Variants in SIAH3 observed in about 807,000 individuals in gnomAD.
SIAH3 encodes the protein seven in absentia homolog 3.
In SIAH3, 9 loss-of-function variants were observed where a neutral mutation model predicts 12.6. That is an observed-to-expected ratio of 0.72 (90% confidence interval 0.43 to 1.25). The LOEUF (loss-of-function observed/expected upper bound fraction) is 1.25. SIAH3 is among the 50% of genes most tolerant of loss of function. The pLI is 0.00. For synonymous variants in SIAH3, 154 were observed against 151.1 expected (o/e 1.02, Z -0.14); for missense variants, 390 against 365.4 (o/e 1.07, Z -0.55).
chr13:45,850,602 C>A lies in SIAH3; in HGVS notation c.135+893G>T, dbSNP rs1339548010. The stretch of plus-strand genomic sequence containing the variant: ...CCCAGCCCCCACCTCCCTGACTTCC[C>A]CTCCTCCCTACTACCCCTAACCAGT... On this transcript the variant is annotated intron_variant, in intron 1 of 1. Coordinates refer to ENST00000400405, the MANE Select transcript of SIAH3 (RefSeq NM_198849.3). Among the ~76,000 whole-genome samples the A allele has an allele frequency of 2.0e-5, 3 of 152,126 alleles. No homozygotes were observed. The East Asian group carries it at 5.8e-4, about 29-fold the overall frequency.
chr13:45,848,094 C>A lies in SIAH3; in HGVS notation c.135+3401G>T, dbSNP rs1007437548. ...AAAGGACAGGAGGGAGAGAGGAGTGCTGAATCAGGACCAGGAGCAGGCGCC... is the reference window on the plus strand; with the variant it reads ...AAAGGACAGGAGGGAGAGAGGAGTGATGAATCAGGACCAGGAGCAGGCGCC... On this transcript the variant is annotated intron_variant, in intron 1 of 1. Transcript: ENST00000400405. 3.5e-4 allele frequency among the ~76,000 whole-genome samples: 54 copies of A among 152,258 alleles called. 2 individuals are homozygous for A. Among genetic ancestry groups the A allele is most frequent in the Non-Finnish European group, 1.3e-4 (9 of 68,012 alleles).
rs1047929983 is a variant in SIAH3, at chr13:45,777,622, TATTTTCCAGGTG to T, written c.*5749_*5760del. 1.3e-5 allele frequency: 2 copies of T among 152,250 alleles called. No individual in the cohort carries two copies. Among genetic ancestry groups the T allele is most frequent in the Non-Finnish European group, 2.9e-5 (2 of 68,046 alleles). 9.4% of individuals were successfully genotyped at this position (152,250 alleles called of 1,614,324 possible). On this transcript the variant is annotated 3_prime_UTR_variant, in exon 2 of 2. Transcript: ENST00000400405. ...TCAGTGAAGTTTTTCTTCAGCTGGC[TATTTTCCAGGTG>T]AACACAATGGGGAACTCACCAATTC... is the stretch of plus-strand genomic sequence containing the variant.
intron 1 of SIAH3, among the ~76,000 whole-genome samples, chr13:45,787,917 C>T (rs894298801): frequency 2.6e-5 from 4 of 152,162 alleles, no homozygotes; most frequent in African/African-American, 9.7e-5. Flanking sequence ...ACCAGCAGAC[C>T]CCAGCAACGG....
intron 1 of SIAH3, among the ~76,000 whole-genome samples, chr13:45,820,071 T>A (rs1593383231): frequency 6.6e-6 from 1 of 152,194 alleles, no homozygotes; most frequent in Non-Finnish European, 1.5e-5. Flanking sequence ...GCCTCCTTTA[T>A]AAGGGCCTTA....
At chr13:45,824,320 G>C (rs1241562228) in intron 1 of SIAH3, among the ~76,000 whole-genome samples, 3 of 152,164 alleles carry the variant, frequency 2.0e-5, no homozygotes, top group African/African-American at 7.2e-5. Context: ...TGCCTCAAAG[G>C]GTTGTAAGTT....
Position 45,782,756 on chromosome 13 carries a change from A to G in SIAH3, c.*627T>C, listed in dbSNP as rs1039182720. 1 of 151,658 alleles carries G rather than the reference A, an allele frequency of 6.6e-6. No individual in the cohort carries two copies. The highest frequency in any genetic ancestry group is 2.4e-5 in the African/African-American group (1 of 41,200). The allele number at this position is 151,658 out of a possible 1,614,324, so 9.4% of individuals were successfully genotyped here. ...ACTACTCTCCTGAGCCCCAGCATCA[A>G]CCTGAGCACTCAGCACACAATGACA... On this transcript the variant is annotated 3_prime_UTR_variant, in exon 2 of 2. Coordinates refer to ENST00000400405, the MANE Select transcript of SIAH3 (RefSeq NM_198849.3).
chr13:45,850,338 T>C (rs1236127662), intron 1 of SIAH3, among the ~76,000 whole-genome samples: 1 of 152,160 alleles, frequency 6.6e-6, no homozygotes, highest in Non-Finnish European at 1.5e-5. Context: ...TGGGAGTTTA[T>C]AAAGTAATGG....
chr13:45,804,690 C>G (rs1193796776), intron 1 of SIAH3, among the ~76,000 whole-genome samples: 3 of 152,020 alleles, frequency 2.0e-5, no homozygotes, highest in Non-Finnish European at 2.9e-5. Context: ...TATTCCTATT[C>G]AACGTAGTAT....
At chr13:45,823,271 C>G (rs1950662776) in intron 1 of SIAH3, among the ~76,000 whole-genome samples, 1 of 152,140 alleles carries the variant, frequency 6.6e-6, no homozygotes, top group Non-Finnish European at 1.5e-5. Flanking sequence ...CTTAATCGGT[C>G]TGGGGTGGGC....
At chr13:45,798,663 A>G (rs1430919489) in intron 1 of SIAH3, among the ~76,000 whole-genome samples, 1 of 152,238 alleles carries the variant, frequency 6.6e-6, no homozygotes, top group Non-Finnish European at 1.5e-5. Context: ...AACTGTAACC[A>G]GTCTAATCAT....
At chr13:45,808,678 T>G (rs773600619) in intron 1 of SIAH3, among the ~76,000 whole-genome samples, 1 of 150,512 alleles carries the variant, frequency 6.6e-6, no homozygotes, top group Non-Finnish European at 1.5e-5. Context: ...TCAGTAAAAT[T>G]TATAATAAAC....
At chr13:45,841,426 C>G (rs1281583635) in intron 1 of SIAH3, among the ~76,000 whole-genome samples, 1 of 152,182 alleles carries the variant, frequency 6.6e-6, no homozygotes, top group Non-Finnish European at 1.5e-5. Context: ...TCCTGGGGAG[C>G]CAGGGCCTAC....
intron 1 of SIAH3, among the ~76,000 whole-genome samples, chr13:45,802,891 G>A (rs889027763): frequency 3.3e-5 from 5 of 152,198 alleles, no homozygotes; most frequent in Non-Finnish European, 7.3e-5. Flanking sequence ...GGCCAACATG[G>A]TGAAACCCCA....
At chr13:45,820,072 A>G (rs1950650036) in intron 1 of SIAH3, among the ~76,000 whole-genome samples, 1 of 152,198 alleles carries the variant, frequency 6.6e-6, no homozygotes, top group Non-Finnish European at 1.5e-5. Flanking sequence ...CCTCCTTTAT[A>G]AGGGCCTTAA....
chr13:45,783,937 G>T lies in SIAH3; in HGVS notation c.256C>A (p.His86Asn), dbSNP rs1484407943. ...TCCTGGTGGTGAAGGTGGTGGGGGT[G>T]GGCGTGGTGGCGGAGGTGGTGGTGG... ...RHHHHLRHHA[H>N]PHHLHHQEAG... The change falls in exon 2 of 2, where the codon CAC becomes AAC. Residue 86 changes from histidine to asparagine, a missense_variant. His to Asn is a moderately conservative substitution (Grantham distance 68). Transcript: ENST00000400405. 1.2e-6 allele frequency: 2 copies of T among 1,608,410 alleles called. No homozygotes were observed. The highest frequency in any genetic ancestry group is 4.5e-5 in the East Asian group (2 of 44,870).
intron 1 of SIAH3, among the ~76,000 whole-genome samples, chr13:45,823,145 C>T (rs1950662324): frequency 6.6e-6 from 1 of 152,160 alleles, no homozygotes; most frequent in Admixed American, 6.5e-5. Flanking sequence ...AAAAGAATTA[C>T]AACTCGTATT....
rs1950502141 is a variant in SIAH3, at chr13:45,781,115, C to T, written c.*2268G>A. 6.6e-6 allele frequency: 1 copy of T among 152,658 alleles called. No homozygotes were observed. Among genetic ancestry groups the T allele is most frequent in the Non-Finnish European group, 1.5e-5 (1 of 68,056 alleles). 9.5% of individuals were successfully genotyped at this position (152,658 alleles called of 1,614,324 possible). A position where few individuals can be genotyped will look rare whatever the true frequency, so the allele number is the denominator to read the frequency against. ...TGGGATCACTTATTCATAATACAGT[C>T]TTGTGTGCAGTGAAAATAACCTGAA... On this transcript the variant is annotated 3_prime_UTR_variant, in exon 2 of 2. Coordinates refer to ENST00000400405, the MANE Select transcript of SIAH3 (RefSeq NM_198849.3).
chr13:45,829,956 C>T (rs982183526), intron 1 of SIAH3, among the ~76,000 whole-genome samples: 5 of 152,094 alleles, frequency 3.3e-5, no homozygotes, highest in African/African-American at 1.2e-4. Context: ...CTAACATTTG[C>T]GAGACCCTGG....
intron 1 of SIAH3, among the ~76,000 whole-genome samples, chr13:45,842,405 G>C (rs1017740974): frequency 6.6e-6 from 1 of 152,142 alleles, no homozygotes; most frequent in Admixed American, 6.5e-5. Context: ...GTGCAGTGGT[G>C]CAGTCATGGC....
Sources: gnomAD v4.1 joint callset for allele counts (sites outside exome capture counted in the v4.1 genomes callset) on GRCh38, gnomAD v4.1.1 for gene constraint, MANE v1.5 for transcripts, NCBI Gene and HGNC (gene_info 2026-07-23, HGNC 2026-07-21) for gene names.